Variants in WWC1 observed in about 807,000 individuals in gnomAD.
The protein encoded by WWC1 is WW and C2 domain containing 1.
WWC1 carries 55 observed loss-of-function variants against 138.4 expected under a neutral mutation model. The observed-to-expected ratio is 0.40, with a 90% CI of 0.32 to 0.50. The LOEUF (loss-of-function observed/expected upper bound fraction) is 0.50, where lower values mean the gene tolerates loss of function less well. Ranked by LOEUF, WWC1 falls within the 20% of genes least tolerant of loss-of-function variation. WWC1 has a pLI of 0.72. For synonymous variants in WWC1, 524 were observed against 564.9 expected (o/e 0.93, Z 1.03); for missense variants, 1,226 against 1,420.4 (o/e 0.86, Z 2.20).
At chr5:168,381,147 G>C (rs542025217) in intron 2 of WWC1, among the ~76,000 whole-genome samples, 1 of 152,054 alleles carries the variant, frequency 6.6e-6, no homozygotes, top group African/African-American at 2.4e-5. Context: ...TTGTCTGTTC[G>C]TGCACCCATC....
At chr5:168,385,639 G>A (rs1777987030) in intron 3 of WWC1, among the ~76,000 whole-genome samples, 1 of 152,212 alleles carries the variant, frequency 6.6e-6, no homozygotes, top group Non-Finnish European at 1.5e-5. Context: ...CAGAATGCCA[G>A]TCGGATTACA....
intron 15 of WWC1, among the ~76,000 whole-genome samples, chr5:168,440,511 T>TTGTTA (rs1224782786): frequency 1.4e-5 from 2 of 144,720 alleles, no homozygotes; most frequent in East Asian, 3.9e-4. Context: ...GTTGTTGTTG[T>TTGTTA]TGTTTTGTTT....
chr5:168,405,995 G>A (rs1436013742), intron 5 of WWC1, among the ~76,000 whole-genome samples: 1 of 152,096 alleles, frequency 6.6e-6, no homozygotes, highest in Non-Finnish European at 1.5e-5. Flanking sequence ...CCAAAGTGTT[G>A]GGATTACAGG....
Position 168,359,681 on chromosome 5 carries a change from TTTTTG to T in WWC1, c.120-11738_120-11734del, listed in dbSNP as rs1323788949. ...GAAATACATTTTTCAAGGTTAGTTT[TTTTTG>T]TTTTTTCTTTTTTAACTCACATATC... On this transcript the variant is annotated intron_variant, in intron 1 of 22. Transcript: ENST00000265293. Among the ~76,000 whole-genome samples the T allele has an allele frequency of 1.3e-4, 20 of 152,242 alleles. 1 individual carries two copies. Among genetic ancestry groups the T allele is most frequent in the African/African-American group, 4.8e-4 (20 of 41,464 alleles).
intron 2 of WWC1, among the ~76,000 whole-genome samples, chr5:168,384,713 C>CTTTTTTTTTTT (rs762052940): frequency 4.0e-5 from 4 of 99,632 alleles, no homozygotes; most frequent in Admixed American, 1.1e-4. Context: ...CTGGTTTATT[C>CTTTTTTTTTTT]TTTTTTTTTT....
chr5:168,318,514 C>T (rs1368874065), intron 1 of WWC1, among the ~76,000 whole-genome samples: 1 of 151,594 alleles, frequency 6.6e-6, no homozygotes, highest in East Asian at 1.9e-4. Flanking sequence ...CTGACTGCCT[C>T]ATATAAGTGA....
At chr5:168,429,107 C>T (rs901759939) in intron 13 of WWC1, among the ~76,000 whole-genome samples, 3 of 152,104 alleles carry the variant, frequency 2.0e-5, no homozygotes, top group Non-Finnish European at 4.4e-5. Context: ...TGTGTTTGTT[C>T]ATTGTTGCTG....
chr5:168,327,566 C>A (rs1252660124), intron 1 of WWC1, among the ~76,000 whole-genome samples: 1 of 152,236 alleles, frequency 6.6e-6, no homozygotes, highest in Non-Finnish European at 1.5e-5. Flanking sequence ...TTAGAACCAG[C>A]ACCGGGGTGT....
Position 168,383,893 on chromosome 5 carries a change from C to CT in WWC1, c.230-1310dup, listed in dbSNP as rs1011880351. Among the ~76,000 whole-genome samples, 4 of 151,914 alleles carry CT rather than the reference C, an allele frequency of 2.6e-5. No individual in the cohort carries two copies. The East Asian group carries it at 7.7e-4, about 29-fold the overall frequency. ...AACCTCTTCCATATCTCGTCAGCTG[C>CT]TTTTTTTTCAGATCATTAGTGTATA... On this transcript the variant is annotated intron_variant, in intron 2 of 22. Coordinates refer to ENST00000265293, the MANE Select transcript of WWC1 (RefSeq NM_015238.3).
chr5:168,351,002 C>G (rs1263846890), intron 1 of WWC1, among the ~76,000 whole-genome samples: 1 of 152,056 alleles, frequency 6.6e-6, no homozygotes, highest in Non-Finnish European at 1.5e-5. Flanking sequence ...AAAAAATTAG[C>G]CGGGCGTGGT....
At chr5:168,316,133 C>A (rs546816025) in intron 1 of WWC1, among the ~76,000 whole-genome samples, 1 of 152,272 alleles carries the variant, frequency 6.6e-6, no homozygotes, top group South Asian at 2.1e-4. Context: ...AGTCCTTCCC[C>A]CTCAGCGTTT....
intron 1 of WWC1, among the ~76,000 whole-genome samples, chr5:168,366,890 C>T (rs1426043735): frequency 1.3e-5 from 2 of 148,908 alleles, no homozygotes; most frequent in East Asian, 2.0e-4. Context: ...CTCCGCCTCC[C>T]AGGTTCAAGC....
At chr5:168,320,151 C>T (rs1355209874) in intron 1 of WWC1, among the ~76,000 whole-genome samples, 1 of 151,990 alleles carries the variant, frequency 6.6e-6, no homozygotes, top group South Asian at 2.1e-4. Flanking sequence ...TTTCCTGCCT[C>T]AGCCTCCCAA....
rs79773263 is a variant in WWC1 at position 168,466,490 on chromosome 5, A to G, written c.3151-1350A>G. On this transcript the variant is annotated intron_variant, in intron 21 of 22. Transcript: ENST00000265293. ...TGAACTCTCAGGACCATCAGCTGAA[A>G]TCTCAGTGCTGAATACAGGTGGTGA... is the stretch of plus-strand genomic sequence containing the variant. 4.1e-4 allele frequency among the ~76,000 whole-genome samples: 63 copies of G among 152,346 alleles called. No individual in the cohort carries two copies. The East Asian group carries it at 0.011, about 27-fold the overall frequency.
chr5:168,395,772 C>A (rs551870912), intron 3 of WWC1, among the ~76,000 whole-genome samples: 1 of 152,304 alleles, frequency 6.6e-6, no homozygotes, highest in African/African-American at 2.4e-5. Flanking sequence ...CCTCGGTCTT[C>A]TTTTTCTCCA....
intron 15 of WWC1, among the ~76,000 whole-genome samples, chr5:168,439,606 G>A (rs541555443): frequency 4.0e-4 from 61 of 150,682 alleles, no homozygotes; most frequent in African/African-American, 1.4e-3. Context: ...CAGCAGCCTC[G>A]GCAACAAGAG....
chr5:168,317,202 T>C (rs4976592), intron 1 of WWC1, among the ~76,000 whole-genome samples: 108,665 of 152,102 alleles, frequency 0.71, 38,998 homozygotes, highest in Middle Eastern at 0.74. Flanking sequence ...CTCTCTGACT[T>C]CGCAGCCAAG....
intron 1 of WWC1, among the ~76,000 whole-genome samples, chr5:168,329,180 G>A (rs531048144): frequency 9.2e-5 from 14 of 152,296 alleles, no homozygotes; most frequent in African/African-American, 3.1e-4. Flanking sequence ...CCACTTGATT[G>A]CACTGCTGAC....
In WWC1 at chr5:168,470,223, G is replaced by C. The variant is rs1344812629; in HGVS notation, c.*1206G>C. On this transcript the variant is annotated 3_prime_UTR_variant, in exon 23 of 23. Coordinates refer to ENST00000265293, the MANE Select transcript of WWC1 (RefSeq NM_015238.3). ...ACAAATCTCTTCCTCCTTCCTCTCT[G>C]ACATTACCCTGTGCAACTTTTCTCA... The C allele has an allele frequency of 2.0e-5, 3 of 152,158 alleles. No homozygotes were observed. Among genetic ancestry groups the C allele is most frequent in the Admixed American group, 6.6e-5 (1 of 15,264 alleles). The allele number at this position is 152,158 out of a possible 1,614,324, so 9.4% of individuals were successfully genotyped here.
Sources: gnomAD v4.1 joint callset for allele counts (sites outside exome capture counted in the v4.1 genomes callset) on GRCh38, gnomAD v4.1.1 for gene constraint, MANE v1.5 for transcripts, NCBI Gene and HGNC (gene_info 2026-07-23, HGNC 2026-07-21) for gene names.